Variants in RAB2A observed in about 807,000 individuals in gnomAD.
RAB2A encodes ras-related protein Rab-2A.
A neutral mutation model predicts 32.5 loss-of-function variants in RAB2A; 7 were observed. That is an observed-to-expected ratio of 0.22 (90% CI 0.12 to 0.40). RAB2A has a LOEUF of 0.40. Ranked by LOEUF, RAB2A falls within the 10% of genes least tolerant of loss-of-function variation. RAB2A has a pLI of 1.00. For missense variants in RAB2A, 108 were observed against 260.7 expected (o/e 0.41, Z 4.03); for synonymous variants, 79 against 85.2 (o/e 0.93, Z 0.40).
At chr8:60,605,873 G>A (rs1804222617) in intron 6 of RAB2A, among the ~76,000 whole-genome samples, 1 of 127,982 alleles carries the variant, frequency 7.8e-6, no homozygotes, top group African/African-American at 3.9e-5. Flanking sequence ...TTCAAGCTGG[G>A]GGTGGTGGCT....
chr8:60,605,832 C>CATATACATATATATATAT (rs1804220036), intron 6 of RAB2A, among the ~76,000 whole-genome samples: 1 of 120,806 alleles, frequency 8.3e-6, no homozygotes, highest in African/African-American at 3.8e-5. Context: ...GGGACTAATA[C>CATATACATATATATATAT]ATATATACAT....
intron 1 of RAB2A, among the ~76,000 whole-genome samples, chr8:60,541,413 TTTATAAAG>T (rs1226185180): frequency 1.3e-5 from 2 of 151,968 alleles, no homozygotes; most frequent in Non-Finnish European, 2.9e-5. Context: ...GTAAAGAGAT[TTTATAAAG>T]AGTGCAGGAT....
At chr8:60,523,536 T>C (rs1807333305) in intron 1 of RAB2A, among the ~76,000 whole-genome samples, 1 of 152,168 alleles carries the variant, frequency 6.6e-6, no homozygotes, top group East Asian at 1.9e-4. Flanking sequence ...CCTCCCCTGC[T>C]TTTCTTCATA....
chr8:60,566,170 T>TA (rs1808110267), intron 2 of RAB2A, among the ~76,000 whole-genome samples: 1 of 152,228 alleles, frequency 6.6e-6, no homozygotes, highest in South Asian at 2.1e-4. Flanking sequence ...TAGTGCCTTC[T>TA]AAAGCTTTTA....
chr8:60,592,747 A>G lies in RAB2A; in HGVS notation c.474+778A>G, dbSNP rs557083604. 8.5e-5 allele frequency among the ~76,000 whole-genome samples: 13 copies of G among 152,270 alleles called. No individual in the cohort carries two copies. The East Asian group carries it at 1.5e-3, about 18-fold the overall frequency. ...GTTTGTGTTTGGAGGTAGTATGTAT[A>G]TACATATTATAAATAGATGATTACG... On this transcript the variant is annotated intron_variant, in intron 6 of 7. Transcript: ENST00000262646.
chr8:60,568,881 A>C (rs1808156233), intron 2 of RAB2A, among the ~76,000 whole-genome samples: 1 of 151,810 alleles, frequency 6.6e-6, no homozygotes. Flanking sequence ...TTATCACATA[A>C]AAAAAAAGGA....
intron 1 of RAB2A, chr8:60,552,577 G>A (rs1360050948): frequency 2.0e-5 from 3 of 152,252 alleles, no homozygotes; most frequent in East Asian, 1.9e-4. Flanking sequence ...AAAAGAAAAC[G>A]TTATTAAAAT....
At chr8:60,597,262 A>C (rs1044756489) in intron 6 of RAB2A, among the ~76,000 whole-genome samples, 5 of 152,254 alleles carry the variant, frequency 3.3e-5, no homozygotes, top group African/African-American at 1.2e-4. Context: ...CTATGCAGCC[A>C]TAAAAAGGGA....
chr8:60,558,377 G>A (rs1807969846), intron 1 of RAB2A: 1 of 481,114 alleles, frequency 2.1e-6, no homozygotes, highest in Admixed American at 2.2e-5. Flanking sequence ...ATTTGCTTGT[G>A]AAATGAATTA....
At chr8:60,609,441 G>A (rs893131653) in intron 6 of RAB2A, among the ~76,000 whole-genome samples, 10 of 151,858 alleles carry the variant, frequency 6.6e-5, no homozygotes, top group South Asian at 2.1e-4. Context: ...TTGTCATGTC[G>A]GCCCACCAAA....
At chr8:60,517,910 A>G (rs1354496578) in intron 1 of RAB2A, among the ~76,000 whole-genome samples, 3 of 152,204 alleles carry the variant, frequency 2.0e-5, no homozygotes, top group Non-Finnish European at 2.9e-5. Flanking sequence ...TTAGGAAAGC[A>G]TGAACGAGTT....
At chr8:60,594,160 G>C (rs1190923149) in intron 6 of RAB2A, among the ~76,000 whole-genome samples, 1 of 152,128 alleles carries the variant, frequency 6.6e-6, no homozygotes. Flanking sequence ...GTTATATGAT[G>C]CATCATAAGT....
intron 1 of RAB2A, among the ~76,000 whole-genome samples, chr8:60,527,377 A>G (rs1807408606): frequency 6.6e-6 from 1 of 152,156 alleles, no homozygotes; most frequent in Admixed American, 6.5e-5. Flanking sequence ...GTAAAATAAG[A>G]TCAGAAGAGG....
chr8:60,594,184 G>A (rs1358935292), intron 6 of RAB2A, among the ~76,000 whole-genome samples: 1 of 152,100 alleles, frequency 6.6e-6, no homozygotes, highest in Non-Finnish European at 1.5e-5. Context: ...AGAAGGAGAG[G>A]AAAAAGGAAT....
intron 2 of RAB2A, among the ~76,000 whole-genome samples, chr8:60,566,853 A>G (rs1808122222): frequency 6.6e-6 from 1 of 152,174 alleles, no homozygotes; most frequent in Non-Finnish European, 1.5e-5. Context: ...ATAAGCAAGA[A>G]CACGCAGTAT....
chr8:60,517,942 G>A (rs2130801335), intron 1 of RAB2A, among the ~76,000 whole-genome samples: 1 of 152,202 alleles, frequency 6.6e-6, no homozygotes, highest in East Asian at 1.9e-4. Flanking sequence ...TGCCACGTGT[G>A]AACTGGGGTT....
chr8:60,532,603 C>T (rs1807494005), intron 1 of RAB2A, among the ~76,000 whole-genome samples: 2 of 152,226 alleles, frequency 1.3e-5, no homozygotes, highest in Admixed American at 6.5e-5. Context: ...CTCTGTCTCC[C>T]GGGCTCAAGT....
At position 60,593,624 on chromosome 8, in the gene RAB2A, A is replaced by G. The variant is rs142847345; in HGVS notation, c.474+1655A>G. Among the ~76,000 whole-genome samples, 5 of 152,298 alleles carry G rather than the reference A, an allele frequency of 3.3e-5. No homozygotes were observed. In the East Asian group the frequency reaches 9.6e-4, roughly 29 times the overall value. Reference sequence around the variant, plus strand: ...TGGAGTGAGAGGAAGCCAACTAAACAGTGGTTTAAATAAGACCCAGAGTCT... The same window carrying G: ...TGGAGTGAGAGGAAGCCAACTAAACGGTGGTTTAAATAAGACCCAGAGTCT... On this transcript the variant is annotated intron_variant, in intron 6 of 7. Transcript: ENST00000262646.
intron 6 of RAB2A, among the ~76,000 whole-genome samples, chr8:60,618,337 A>C (rs1166795425): frequency 6.6e-6 from 1 of 152,154 alleles, no homozygotes; most frequent in Non-Finnish European, 1.5e-5. Context: ...TTATCATGAA[A>C]TGTTGGATTT....
Sources: gnomAD v4.1 joint callset for allele counts (sites outside exome capture counted in the v4.1 genomes callset) on GRCh38, gnomAD v4.1.1 for gene constraint, MANE v1.5 for transcripts, NCBI Gene and HGNC (gene_info 2026-07-23, HGNC 2026-07-21) for gene names.